The following GLIS3 variants were observed in gnomAD, a reference collection of about 807,000 sequenced individuals.
GLIS3 encodes zinc finger protein GLIS3.
GLIS3 carries 53 observed loss-of-function variants against 78.6 expected under a neutral mutation model. That is an observed-to-expected ratio of 0.67 (90% CI 0.54 to 0.85). GLIS3 has a LOEUF of 0.85. Ranked by LOEUF, GLIS3 falls within the 40% of genes least tolerant of loss-of-function variation. The pLI is 0.00. For missense variants in GLIS3, 1,703 were observed against 1,231.1 expected (o/e 1.38, Z -5.74); for synonymous variants, 684 against 509.9 (o/e 1.34, Z -4.60).
At chr9:4,366,185 C>A in the GLIS3 span, among the ~76,000 whole-genome samples, 3 of 152,174 alleles carry the variant, frequency 2.0e-5, no homozygotes, top group Admixed American at 1.3e-4. Flanking sequence ...TTGGTCTATC[C>A]TATCCTTATG....
At chr9:4,054,831 A>C (rs552229146) in intron 4 of GLIS3, among the ~76,000 whole-genome samples, 1 of 152,130 alleles carries the variant, frequency 6.6e-6, no homozygotes, top group East Asian at 1.9e-4. Context: ...TCAGTTTTCC[A>C]CATTTTGCCC....
chr9:4,290,140 C>G (rs534986214), intron 1 of GLIS3, among the ~76,000 whole-genome samples: 6 of 152,222 alleles, frequency 3.9e-5, no homozygotes, highest in South Asian at 4.2e-4. Context: ...TAGTAAATAT[C>G]ATTAACAGAC....
At chr9:4,096,878 G>A (rs1415054737) in intron 4 of GLIS3, among the ~76,000 whole-genome samples, 1 of 152,138 alleles carries the variant, frequency 6.6e-6, no homozygotes, top group Admixed American at 6.5e-5. Flanking sequence ...CAGGCACAGT[G>A]GCAGGCGCCT....
chr9:4,265,704 G>C (rs192689826), intron 2 of GLIS3, among the ~76,000 whole-genome samples: 1 of 152,234 alleles, frequency 6.6e-6, no homozygotes, highest in East Asian at 1.9e-4. Context: ...CATGCACACA[G>C]AGACCAAGTG....
chr9:3,936,538 GCAAAGGGC>G (rs1438953130), intron 5 of GLIS3, among the ~76,000 whole-genome samples: 1 of 151,936 alleles, frequency 6.6e-6, no homozygotes, highest in Non-Finnish European at 1.5e-5. Context: ...GGTTTCTAAA[GCAAAGGGC>G]CAAATTCACT....
chr9:4,135,219 C>G (rs939793515), intron 2 of GLIS3, among the ~76,000 whole-genome samples: 1 of 152,062 alleles, frequency 6.6e-6, no homozygotes, highest in African/African-American at 2.4e-5. Flanking sequence ...ATCTTTATTG[C>G]TATTTTAAAT....
At chr9:4,424,914 A>G in the GLIS3 span, among the ~76,000 whole-genome samples, 1 of 151,684 alleles carries the variant, frequency 6.6e-6, no homozygotes, top group African/African-American at 2.4e-5. Flanking sequence ...ACTGGGCATT[A>G]TATTTGTGGC....
chr9:4,353,317 ATTGC>A (rs1213661134), upstream of GLIS3, among the ~76,000 whole-genome samples: 4 of 152,140 alleles, frequency 2.6e-5, no homozygotes, highest in Non-Finnish European at 5.9e-5. Flanking sequence ...TGTGCATGAA[ATTGC>A]TTGCTATATG....
intron 2 of GLIS3, among the ~76,000 whole-genome samples, chr9:4,168,398 A>G (rs1426090035): frequency 6.6e-6 from 1 of 152,224 alleles, no homozygotes; most frequent in Admixed American, 6.5e-5. Flanking sequence ...AGAAATGGAT[A>G]ATGATCCAAA....
At chr9:4,008,266 A>G (rs1429405821) in intron 4 of GLIS3, among the ~76,000 whole-genome samples, 1 of 151,960 alleles carries the variant, frequency 6.6e-6, no homozygotes, top group African/African-American at 2.4e-5. Flanking sequence ...CCCTAAAATT[A>G]TATTTGTTTA....
chr9:4,202,153 T>TTTC (rs1819459186), intron 2 of GLIS3, among the ~76,000 whole-genome samples: 1 of 126 alleles, frequency 7.9e-3, no homozygotes, highest in Admixed American at 0.083. Context: ...CCCCTTTTTC[T>TTTC]TTTTTTTTTT....
the GLIS3 span, among the ~76,000 whole-genome samples, chr9:4,381,035 G>C: frequency 6.6e-6 from 1 of 152,110 alleles, no homozygotes; most frequent in African/African-American, 2.4e-5. Context: ...TGGTCAAATT[G>C]TTGATGGGTA....
At chr9:4,087,792 T>G (rs1829160257) in intron 4 of GLIS3, among the ~76,000 whole-genome samples, 2 of 152,178 alleles carry the variant, frequency 1.3e-5, no homozygotes, top group African/African-American at 4.8e-5. Context: ...TGCTACACAG[T>G]CCAGGCCTGA....
intron 2 of GLIS3, among the ~76,000 whole-genome samples, chr9:4,273,318 A>G (rs78764121): frequency 0.019 from 2,828 of 152,270 alleles, 96 homozygotes; most frequent in African/African-American, 0.064. Flanking sequence ...TTCTGCACCA[A>G]GCACGGTGGC....
chr9:4,279,926 A>G (rs1334067554), intron 2 of GLIS3, among the ~76,000 whole-genome samples: 1 of 152,088 alleles, frequency 6.6e-6, no homozygotes, highest in Non-Finnish European at 1.5e-5. Context: ...GGACAATTAG[A>G]TAATATCATA....
chr9:4,064,086 A>G (rs1047247382), intron 4 of GLIS3, among the ~76,000 whole-genome samples: 1 of 152,216 alleles, frequency 6.6e-6, no homozygotes, highest in African/African-American at 2.4e-5. Context: ...ATCAAGTAAT[A>G]GAATAAGGCA....
chr9:3,884,884 A>T (rs758723429), intron 7 of GLIS3, among the ~76,000 whole-genome samples: 6 of 152,134 alleles, frequency 3.9e-5, no homozygotes, highest in Non-Finnish European at 7.4e-5. Context: ...AAAACACATA[A>T]AAGTGTTGTG....
intron 7 of GLIS3, among the ~76,000 whole-genome samples, chr9:3,880,604 A>AAATC: frequency 6.6e-6 from 1 of 152,346 alleles, no homozygotes; most frequent in East Asian, 1.9e-4. Flanking sequence ...TTAAAAAAAT[A>AAATC]AATCAGGTTC....
intron 2 of GLIS3, among the ~76,000 whole-genome samples, chr9:4,272,740 C>T (rs369359234): frequency 6.6e-6 from 1 of 152,192 alleles, no homozygotes; most frequent in Non-Finnish European, 1.5e-5. Flanking sequence ...TTATATGAGG[C>T]TAATCCTTTC....
Sources: gnomAD v4.1 joint callset for allele counts (sites outside exome capture counted in the v4.1 genomes callset) on GRCh38, gnomAD v4.1.1 for gene constraint, MANE v1.5 for transcripts, NCBI Gene and HGNC (gene_info 2026-07-23, HGNC 2026-07-21) for gene names.